The following PLEKHG4B variants were observed in gnomAD, a reference collection of about 807,000 sequenced individuals.
PLEKHG4B encodes pleckstrin homology domain-containing family G member 4B.
A neutral mutation model predicts 121.3 loss-of-function variants in PLEKHG4B; 111 were observed. That is an observed-to-expected ratio of 0.92 (90% CI 0.78 to 1.07). PLEKHG4B has a LOEUF of 1.07. PLEKHG4B is among the 50% of genes least tolerant of loss of function. The pLI, the probability that PLEKHG4B is intolerant of heterozygous loss-of-function variation, is 0.00. For synonymous variants in PLEKHG4B, 738 were observed against 725.0 expected, an observed-to-expected ratio of 1.02 and a Z score of -0.29; for missense variants, 1,831 against 1,757.8, an observed-to-expected ratio of 1.04 and a Z score of -0.74.
rs745898348 is a variant in PLEKHG4B at position 133,913 on chromosome 5, G to GACAC, written c.244-5565_244-5562dup. ...CCAATCGAGTGGATAAAGAAAATGT[G>GACAC]ACACACACGCACACACACACACACA... On this transcript the variant is annotated intron_variant, in intron 2 of 19. Transcript: ENST00000637938. Among the ~76,000 whole-genome samples the GACAC allele has an allele frequency of 8.8e-3, 1,188 of 135,612 alleles. 18 individuals are homozygous for GACAC. The highest frequency in any genetic ancestry group is 0.032 in the African/African-American group (1,081 of 33,814). 89.0% of individuals were successfully genotyped at this position (135,612 alleles called of 152,430 possible).
At chr5:161,547 G>A (rs774393278) in intron 11 of PLEKHG4B, among the ~76,000 whole-genome samples, 1 of 152,108 alleles carries the variant, frequency 6.6e-6, no homozygotes, top group African/African-American at 2.4e-5. Context: ...TGACTTCTTC[G>A]CATGTTTAAA....
In PLEKHG4B at chr5:182,227, G is replaced by A. The variant is rs1398870598; in HGVS notation, c.4788G>A (p.Glu1596=). ...PWSSDIRACV[E]EDEPEPELET... ...CATCTGATATCAGAGCCTGCGTCGA[G>A]GAAGATGAGCCAGAGCCAGAACTAG... The change falls in exon 20 of 20, where the codon GAG becomes GAA. Residue 1596 remains glutamate (E), a synonymous_variant. Coordinates refer to ENST00000637938, the MANE Select transcript of PLEKHG4B (RefSeq NM_052909.5). The A allele has an allele frequency of 3.1e-6, 5 of 1,613,684 alleles. No homozygotes were observed. Among genetic ancestry groups the A allele is most frequent in the Admixed American group, 3.3e-5 (2 of 60,006 alleles).
rs562040472 is a variant in PLEKHG4B at position 109,626 on chromosome 5, A to C, written c.46-3625A>C. On this transcript the variant is annotated intron_variant, in intron 1 of 19. Coordinates refer to ENST00000637938, the MANE Select transcript of PLEKHG4B (RefSeq NM_052909.5). Reference sequence around the variant, plus strand: ...GAGCTGCGAGCCAGGGAGTGCAGATAGGGTGAGAAACAAGCATCTTAACTT... The same window carrying C: ...GAGCTGCGAGCCAGGGAGTGCAGATCGGGTGAGAAACAAGCATCTTAACTT... Among the ~76,000 whole-genome samples the C allele has an allele frequency of 2.6e-5, 4 of 152,334 alleles. No individual in the cohort carries two copies. In the East Asian group the frequency reaches 7.7e-4, roughly 29 times the overall value.
At chr5:112,990 G>C (rs1168127272) in intron 1 of PLEKHG4B, among the ~76,000 whole-genome samples, 1 of 152,142 alleles carries the variant, frequency 6.6e-6, no homozygotes, top group Non-Finnish European at 1.5e-5. Context: ...GTGGTATATA[G>C]AGCCCCTGCC....
At chr5:143,834 C>G (rs760014685) in intron 5 of PLEKHG4B, among the ~76,000 whole-genome samples, 1 of 152,226 alleles carries the variant, frequency 6.6e-6, no homozygotes, top group African/African-American at 2.4e-5. Context: ...TCTCTTATGT[C>G]CTTGGCTCAC....
rs527409704 is a variant in PLEKHG4B, at chr5:175,731, AC to A, written c.4402+1638del. 9.9e-3 allele frequency among the ~76,000 whole-genome samples: 2 copies of A among 202 alleles called. 1 individual carries two copies. The highest frequency in any genetic ancestry group is 0.062 in the African/African-American group (2 of 32). 0.1% of individuals were successfully genotyped at this position (202 alleles called of 152,430 possible). A position where few individuals can be genotyped will look rare whatever the true frequency, so the allele number is the denominator to read the frequency against. ...ACGGCTGCACCCCGCCTGAGCCCTG[AC>A]CCCCTCCAGGCAGACACGACCAGGG... On this transcript the variant is annotated intron_variant, in intron 18 of 19. Transcript: ENST00000637938.
In PLEKHG4B at chr5:163,533, G is replaced by A. The variant is rs772593518; in HGVS notation, c.3461G>A (p.Arg1154Lys). The A allele has an allele frequency of 6.3e-7, 1 of 1,598,884 alleles. No homozygotes were observed. The highest frequency in any genetic ancestry group is 1.7e-4 in the Middle Eastern group (1 of 5,738). Residue 1154 changes from arginine (R) to lysine (K), a missense_variant, in exon 13 of 20, where the codon AGG becomes AAG. By Grantham distance (26) the Arg-to-Lys change is conservative. Transcript: ENST00000637938. The part of the protein sequence containing the change: ...SGLHPAEEDG[R>K]QQVGSSRLRH... ...CTCCACCCTGCTGAGGAGGATGGGA[G>A]GCAGCAGGTGGGCAGGTGAGGTGGA...
chr5:155,532 G>A, intron 9 of PLEKHG4B, 89 bp downstream of exon 9: 1 of 991,686 alleles, frequency 1.0e-6, no homozygotes, highest in Admixed American at 1.8e-5. Context: ...TAAATATTTG[G>A]TTCACTATCA....
At chr5:134,042 A>AATATATATATGATAGAAT (rs1734858789) in intron 2 of PLEKHG4B, among the ~76,000 whole-genome samples, 5 of 136,982 alleles carry the variant, frequency 3.7e-5, no homozygotes, top group African/African-American at 1.4e-4. Context: ...ATATAGATAG[A>AATATATATATGATAGAAT]ATATATATAT....
At chr5:171,907 G>C (rs1246221563) in intron 16 of PLEKHG4B, among the ~76,000 whole-genome samples, 1 of 152,236 alleles carries the variant, frequency 6.6e-6, no homozygotes, top group African/African-American at 2.4e-5. Flanking sequence ...CCCGCGACCG[G>C]CTGCATGGGT....
At chr5:169,240 T>G in intron 13 of PLEKHG4B, 100 bp from the exon 14 acceptor site, 1 of 1,505,446 alleles carries the variant, frequency 6.6e-7, no homozygotes, top group Non-Finnish European at 9.0e-7. Flanking sequence ...ACCCTGCTCA[T>G]CCCTCCGGGT....
At chr5:97,179 C>G (rs1733652502) in intron 1 of PLEKHG4B, among the ~76,000 whole-genome samples, 1 of 151,974 alleles carries the variant, frequency 6.6e-6, no homozygotes, top group South Asian at 2.1e-4. Flanking sequence ...ACCTGCCATT[C>G]AGGCTCCAGA....
At chr5:164,408 G>C (rs1736164076) in intron 13 of PLEKHG4B, among the ~76,000 whole-genome samples, 1 of 151,834 alleles carries the variant, frequency 6.6e-6, no homozygotes, top group Non-Finnish European at 1.5e-5. Context: ...GTAATGATGT[G>C]ACTGGGGGCG....
chr5:128,342 A>G (rs1447941521), intron 2 of PLEKHG4B, among the ~76,000 whole-genome samples: 1 of 152,206 alleles, frequency 6.6e-6, no homozygotes, highest in Non-Finnish European at 1.5e-5. Flanking sequence ...CAGATTGGAA[A>G]GTCACAATCT....
At chr5:111,312 C>T (rs937121117) in intron 1 of PLEKHG4B, among the ~76,000 whole-genome samples, 1 of 152,262 alleles carries the variant, frequency 6.6e-6, no homozygotes, top group Non-Finnish European at 1.5e-5. Flanking sequence ...TGGCCTGGCC[C>T]AGGCCCTGAG....
chr5:102,717 A>T (rs1411100600), intron 1 of PLEKHG4B, among the ~76,000 whole-genome samples: 1 of 152,216 alleles, frequency 6.6e-6, no homozygotes, highest in East Asian at 1.9e-4. Context: ...TAAATTATCT[A>T]GTCTCGAGTA....
chr5:181,653 C>T lies in PLEKHG4B; in HGVS notation c.4542C>T (p.Pro1514=), dbSNP rs777599657. The change falls in exon 19 of 20, where the codon CCC becomes CCT. Residue 1514 remains proline, a synonymous_variant. Coordinates refer to ENST00000637938, the MANE Select transcript of PLEKHG4B (RefSeq NM_052909.5). ...PKCAVMSDRV[P]DSIVKGTESQ... is the part of the protein sequence containing the mutation. ...GTGCAGTGATGAGCGACCGAGTCCC[C>T]GACAGCATCGTCAAGGGCACAGGTA... 31 of 1,613,584 alleles carry T rather than the reference C, an allele frequency of 1.9e-5. No homozygotes were observed. In the Admixed American group the frequency reaches 3.2e-4, roughly 16 times the overall value.
At position 163,013 on chromosome 5, in the gene PLEKHG4B, C is replaced by T. The variant is rs1388963165; in HGVS notation, c.2941C>T (p.Gln981Ter). ...AQSPPKHERA[Q>*]EAMRRHQKPP... ...GAGCCCCCCAAAGCATGAGCGTGCC[C>T]AGGAGGCCATGAGGAGGCACCAGAA... The change falls in exon 13 of 20, where the codon CAG (glutamine) becomes TAG (stop). Residue 981 changes from glutamine to a stop codon, truncating the protein, a stop_gained. Coordinates refer to ENST00000637938, the MANE Select transcript of PLEKHG4B (RefSeq NM_052909.5). LOFTEE classifies it high-confidence loss of function. 1.3e-6 allele frequency: 2 copies of T among 1,564,774 alleles called. No homozygotes were observed. The highest frequency in any genetic ancestry group is 2.7e-5 in the African/African-American group (2 of 73,670).
intron 13 of PLEKHG4B, among the ~76,000 whole-genome samples, chr5:164,120 G>A (rs752761704): frequency 6.6e-6 from 1 of 152,248 alleles, no homozygotes; most frequent in East Asian, 1.9e-4. Flanking sequence ...GGAGAATTTC[G>A]TGAGATGCTT....
Sources: allele counts gnomAD v4.1 joint callset (sites outside exome capture counted in the v4.1 genomes callset), GRCh38; gene constraint gnomAD v4.1.1; transcripts MANE v1.5; gene names NCBI Gene and HGNC (gene_info 2026-07-23, HGNC 2026-07-21).